Variants in PIGK observed in about 807,000 individuals in gnomAD.
The protein encoded by PIGK is phosphatidylinositol glycan anchor biosynthesis class K.
In PIGK, 42 loss-of-function variants were observed where a neutral mutation model predicts 50.6. That is an observed-to-expected ratio of 0.83 (90% CI 0.65 to 1.07). The LOEUF is 1.07. PIGK is among the 50% of genes least tolerant of loss of function. The pLI is 0.00. For synonymous variants in PIGK, 151 were observed against 156.0 expected, an observed-to-expected ratio of 0.97 and a Z score of 0.24; for missense variants, 448 against 488.7, an observed-to-expected ratio of 0.92 and a Z score of 0.78.
chr1:77,095,655 A>T (rs1352012143), intron 10 of PIGK, among the ~76,000 whole-genome samples: 1 of 152,158 alleles, frequency 6.6e-6, no homozygotes, highest in Non-Finnish European at 1.5e-5. Flanking sequence ...GAGACCAGAA[A>T]ATGCAGGGAA....
At chr1:77,105,565 G>A (rs1003416465) in intron 10 of PIGK, among the ~76,000 whole-genome samples, 1 of 151,828 alleles carries the variant, frequency 6.6e-6, no homozygotes, top group African/African-American at 2.4e-5. Context: ...AAGAAACACA[G>A]AGAAAACTAC....
intron 3 of PIGK, among the ~76,000 whole-genome samples, chr1:77,187,778 T>C (rs1376505185): frequency 1.3e-5 from 2 of 152,238 alleles, no homozygotes; most frequent in East Asian, 1.9e-4. Context: ...GTGGGTCACC[T>C]GTTGCGGGAA....
Position 77,161,312 on chromosome 1 carries a change from T to A in PIGK, c.796A>T (p.Thr266Ser). 1 of 1,545,646 alleles carries A rather than the reference T, an allele frequency of 6.5e-7. No homozygotes were observed. The highest frequency in any genetic ancestry group is 8.9e-7 in the Non-Finnish European group (1 of 1,117,810). The part of the protein sequence containing the change: ...FLEEINPASQ[T>S]NMNDLFQVCP... ...ATACTTACAAGGTCATTCATATTAG[T>A]TTGGCTAGCTGGGTTAATTTCTTCC... Residue 266 changes from threonine to serine, a missense_variant, in exon 8 of 11, where the codon ACT becomes TCT. Thr to Ser is a moderately conservative substitution (Grantham distance 58, BLOSUM62 1). Transcript: ENST00000370812.
chr1:77,175,078 G>C (rs1655452464), intron 3 of PIGK, among the ~76,000 whole-genome samples: 2 of 151,962 alleles, frequency 1.3e-5, no homozygotes, highest in Non-Finnish European at 2.9e-5. Flanking sequence ...GTAATCTTTG[G>C]GAAATAAAAA....
At chr1:77,210,079 TA>T (rs1656381543) in intron 2 of PIGK, among the ~76,000 whole-genome samples, 1 of 152,156 alleles carries the variant, frequency 6.6e-6, no homozygotes. Context: ...GAAAAAATTT[TA>T]AAAAGTGTAA....
intron 3 of PIGK, among the ~76,000 whole-genome samples, chr1:77,184,207 A>G (rs1340007216): frequency 6.6e-6 from 1 of 150,928 alleles, no homozygotes; most frequent in Non-Finnish European, 1.5e-5. Context: ...CTAATTAATC[A>G]CGGTGCTCCT....
At chr1:77,137,620 C>T (rs919420482) in intron 9 of PIGK, among the ~76,000 whole-genome samples, 3 of 150,890 alleles carry the variant, frequency 2.0e-5, no homozygotes, top group Admixed American at 2.0e-4. Context: ...TATTTTGAGA[C>T]AGAGTCTTAC....
intron 10 of PIGK, among the ~76,000 whole-genome samples, chr1:77,114,526 C>A (rs1323186864): frequency 2.0e-5 from 3 of 151,992 alleles, no homozygotes; most frequent in Non-Finnish European, 4.4e-5. Flanking sequence ...ACACAATTTC[C>A]ATTTCTATTA....
At position 77,164,832 on chromosome 1, in the gene PIGK, A is replaced by C. The variant is rs115000709; in HGVS notation, c.488-890T>G. The stretch of plus-strand genomic sequence containing the variant: ...AGTCAATGCACTGCTGTGAGAATGA[A>C]ATGAGTTAATAGCCACAATGATTTA... On this transcript the variant is annotated intron_variant, in intron 5 of 10. Coordinates refer to ENST00000370812, the MANE Select transcript of PIGK (RefSeq NM_005482.3). Among the ~76,000 whole-genome samples the C allele has an allele frequency of 5.6e-3, 860 of 152,260 alleles. 2 individuals carry two copies. The highest frequency in any genetic ancestry group is 8.7e-3 in the Non-Finnish European group (590 of 68,012).
chr1:77,199,846 A>C (rs1656121058), intron 3 of PIGK, among the ~76,000 whole-genome samples: 1 of 152,112 alleles, frequency 6.6e-6, no homozygotes, highest in Non-Finnish European at 1.5e-5. Flanking sequence ...CAATTAGAAA[A>C]TTATTTTAAT....
intron 3 of PIGK, chr1:77,194,858 G>A (rs769809382): frequency 3.5e-5 from 14 of 401,548 alleles, no homozygotes; most frequent in East Asian, 6.2e-5. Flanking sequence ...ACTGAGAAAC[G>A]GAAAAAGAAC....
intron 9 of PIGK, among the ~76,000 whole-genome samples, chr1:77,143,062 A>T (rs1002734691): frequency 6.6e-6 from 1 of 152,204 alleles, no homozygotes; most frequent in Non-Finnish European, 1.5e-5. Flanking sequence ...ACAGATTTAT[A>T]TATTAATGTA....
intron 9 of PIGK, among the ~76,000 whole-genome samples, chr1:77,134,589 C>T (rs1654456162): frequency 6.6e-6 from 1 of 152,204 alleles, no homozygotes; most frequent in Admixed American, 6.5e-5. Context: ...GGTCTACTCC[C>T]AGAATTGGCG....
In PIGK at chr1:77,169,331, C is replaced by T. The variant is rs753292011; in HGVS notation, c.304G>A (p.Val102Met). Residue 102 changes from valine (V) to methionine (M), a missense_variant, in exon 4 of 11, where the codon GTG (valine) becomes ATG (methionine). Coordinates refer to ENST00000370812, the MANE Select transcript of PIGK (RefSeq NM_005482.3). Reference protein sequence around the residue: ...CNPRNPKPATVFSHKNMELNV... With the variant: ...CNPRNPKPATMFSHKNMELNV... The stretch of plus-strand genomic sequence containing the variant: ...AGTTCCATATTCTTGTGACTAAACA[C>T]TGTAGCTGGTTTGGGATTTCTAGGA... 1 of 1,605,156 alleles carries T rather than the reference C, an allele frequency of 6.2e-7. No individual in the cohort carries two copies. Among genetic ancestry groups the T allele is most frequent in the South Asian group, 1.1e-5 (1 of 90,336 alleles).
intron 3 of PIGK, among the ~76,000 whole-genome samples, chr1:77,192,430 T>C (rs1342732055): frequency 6.6e-6 from 1 of 152,200 alleles, no homozygotes; most frequent in Non-Finnish European, 1.5e-5. Flanking sequence ...AGGCACTTAC[T>C]TTATCAATAT....
chr1:77,203,429 G>A (rs1028737), intron 3 of PIGK, among the ~76,000 whole-genome samples: 53,105 of 151,904 alleles, frequency 0.35, 10,096 homozygotes, highest in East Asian at 0.44. Flanking sequence ...AGAGATTTGT[G>A]TGGGTACAAA....
At chr1:77,108,314 G>T (rs1464212682) in intron 10 of PIGK, among the ~76,000 whole-genome samples, 2 of 152,140 alleles carry the variant, frequency 1.3e-5, no homozygotes, top group African/African-American at 4.8e-5. Flanking sequence ...GCATTTGCTT[G>T]TCTGTAAAGG....
At chr1:77,161,447 A>G in intron 7 of PIGK, 42 bp from the exon 8 acceptor site, 2 of 1,203,768 alleles carry the variant, frequency 1.7e-6, no homozygotes, top group Non-Finnish European at 2.5e-6. Flanking sequence ...CAGTATCATT[A>G]TAACAAAATG....
At chr1:77,184,984 G>C (rs1655705942) in intron 3 of PIGK, among the ~76,000 whole-genome samples, 1 of 152,214 alleles carries the variant, frequency 6.6e-6, no homozygotes, top group African/African-American at 2.4e-5. Flanking sequence ...GGCCTGGGCA[G>C]AAGACAGATG....
Sources: allele counts gnomAD v4.1 joint callset (sites outside exome capture counted in the v4.1 genomes callset), GRCh38; gene constraint gnomAD v4.1.1; transcripts MANE v1.5; gene names NCBI Gene and HGNC (gene_info 2026-07-23, HGNC 2026-07-21).